Variants in ERC1 observed in about 807,000 individuals in gnomAD.
The protein encoded by ERC1 is ELKS/RAB6-interacting/CAST family member 1, also known as RAB6 interacting protein 2.
In ERC1, 56 loss-of-function variants were observed where a neutral mutation model predicts 132.0. The ratio of observed to expected loss-of-function variants is 0.42; its 90% CI spans 0.34 to 0.53. ERC1 has a LOEUF of 0.53. Ranked by LOEUF, ERC1 falls within the 20% of genes least tolerant of loss-of-function variation. The pLI, the probability that ERC1 is intolerant of heterozygous loss-of-function variation, is 0.03. For missense variants in ERC1, 1,202 were observed against 1,349.9 expected (o/e 0.89, Z 1.72); for synonymous variants, 478 against 476.1 (o/e 1.00, Z -0.05).
intron 18 of ERC1, among the ~76,000 whole-genome samples, chr12:1,463,399 G>A (rs931189732): frequency 9.2e-5 from 14 of 152,144 alleles, no homozygotes; most frequent in East Asian, 1.9e-4. Context: ...GGGGCAGCAG[G>A]GAGAGAAAAG....
intron 14 of ERC1, among the ~76,000 whole-genome samples, chr12:1,269,704 A>G (rs115035447): frequency 0.012 from 1,894 of 152,302 alleles, 28 homozygotes; most frequent in African/African-American, 0.043. Context: ...CACACCTGAA[A>G]GTGCATGAAC....
chr12:1,442,298 A>G (rs982245995), intron 17 of ERC1, among the ~76,000 whole-genome samples: 3 of 152,202 alleles, frequency 2.0e-5, no homozygotes, highest in Admixed American at 6.5e-5. Context: ...GCAAAAAACT[A>G]TCCAGCTCCC....
chr12:1,188,763 G>A (rs1955397577), intron 11 of ERC1, among the ~76,000 whole-genome samples: 1 of 152,060 alleles, frequency 6.6e-6, no homozygotes, highest in African/African-American at 2.4e-5. Context: ...AGAGCTTTCT[G>A]AAATATTTCC....
chr12:1,154,045 G>A (rs1393322111), intron 8 of ERC1, among the ~76,000 whole-genome samples: 10 of 151,974 alleles, frequency 6.6e-5, no homozygotes, highest in South Asian at 6.2e-4. Flanking sequence ...TATGCCTTTG[G>A]GTACTCAGCA....
At chr12:1,145,853 G>A (rs544597445) in intron 8 of ERC1, among the ~76,000 whole-genome samples, 1 of 152,092 alleles carries the variant, frequency 6.6e-6, no homozygotes, top group South Asian at 2.1e-4. Context: ...TTATGTTTTT[G>A]TTTACTTTGT....
chr12:1,373,131 G>A (rs1307746212), intron 16 of ERC1, among the ~76,000 whole-genome samples: 2 of 152,110 alleles, frequency 1.3e-5, no homozygotes, highest in Non-Finnish European at 2.9e-5. Context: ...GCAAGAAGAG[G>A]ACATCATCTA....
chr12:1,340,294 AG>A lies in ERC1; in HGVS notation c.2781-31537del, dbSNP rs144674085. ...CCAGAGTTCAGGTCTTGCAGAGGTT[AG>A]GTCCAGTTGTTCCCCTGGGGCTAAA... On this transcript the variant is annotated intron_variant, in intron 15 of 18. Coordinates refer to ENST00000360905, the MANE Select transcript of ERC1 (RefSeq NM_178040.4). 3.0e-4 allele frequency among the ~76,000 whole-genome samples: 46 copies of A among 152,230 alleles called. 1 individual carries two copies. The East Asian group carries it at 8.5e-3, about 28-fold the overall frequency.
At position 1,028,045 on chromosome 12, in the gene ERC1, G is replaced by T; in HGVS notation, c.142G>T (p.Gly48Cys). The change falls in exon 2 of 19, where the codon GGT becomes TGT. Residue 48 changes from glycine to cysteine, a missense_variant. Physicochemically the swap from Gly to Cys is radical, Grantham distance 159. Transcript: ENST00000360905. ...TGGSSGSSVG[G>C]GSGKTLSMEN... ...AGGGAGTTCGGGAAGCAGTGTTGGA[G>T]GTGGCAGTGGGAAAACCCTTTCAAT... The T allele has an allele frequency of 6.2e-7, 1 of 1,614,156 alleles. No homozygotes were observed. The highest frequency in any genetic ancestry group is 2.2e-5 in the East Asian group (1 of 44,888).
At chr12:1,164,075 A>G (rs985711845) in intron 8 of ERC1, among the ~76,000 whole-genome samples, 2 of 152,090 alleles carry the variant, frequency 1.3e-5, no homozygotes, top group Non-Finnish European at 2.9e-5. Flanking sequence ...GCATGGGGAA[A>G]GTAGTCACAC....
chr12:1,149,161 A>G (rs887100209), intron 8 of ERC1, among the ~76,000 whole-genome samples: 3 of 152,048 alleles, frequency 2.0e-5, no homozygotes, highest in Non-Finnish European at 2.9e-5. Flanking sequence ...AAAATTATAT[A>G]AAAATAACTT....
intron 13 of ERC1, among the ~76,000 whole-genome samples, chr12:1,247,627 A>C (rs2076233627): frequency 6.6e-6 from 1 of 152,162 alleles, no homozygotes; most frequent in Non-Finnish European, 1.5e-5. Flanking sequence ...TAGCTCAGGC[A>C]TTTTTCCTGA....
chr12:1,138,294 TATA>T (rs1331428818), intron 7 of ERC1, among the ~76,000 whole-genome samples: 2 of 137,694 alleles, frequency 1.5e-5, no homozygotes, highest in Non-Finnish European at 3.0e-5. Context: ...ATATATATTA[TATA>T]ATATATGTTG....
intron 14 of ERC1, among the ~76,000 whole-genome samples, chr12:1,270,199 G>A (rs755368127): frequency 6.6e-5 from 10 of 152,046 alleles, no homozygotes; most frequent in Non-Finnish European, 1.0e-4. Flanking sequence ...TAGAATTGAT[G>A]CTGAACCCTT....
At chr12:1,376,808 T>C (rs1177709272) in intron 16 of ERC1, among the ~76,000 whole-genome samples, 1 of 152,208 alleles carries the variant, frequency 6.6e-6, no homozygotes, top group Non-Finnish European at 1.5e-5. Flanking sequence ...AGGGGATCTA[T>C]TTATACGCCA....
chr12:1,000,534 A>G (rs1199064606), intron 1 of ERC1, among the ~76,000 whole-genome samples: 3 of 151,744 alleles, frequency 2.0e-5, no homozygotes, highest in Non-Finnish European at 2.9e-5. Context: ...TTGGGATGAA[A>G]ATTTGTGTGA....
At chr12:1,484,058 C>T (rs943965564) in intron 18 of ERC1, among the ~76,000 whole-genome samples, 3 of 115,134 alleles carry the variant, frequency 2.6e-5, no homozygotes, top group Non-Finnish European at 5.4e-5. Flanking sequence ...GTAATCCCAG[C>T]ACTTTGGGAG....
At chr12:1,423,621 T>C (rs1271779997) in intron 17 of ERC1, among the ~76,000 whole-genome samples, 3 of 152,218 alleles carry the variant, frequency 2.0e-5, no homozygotes, top group African/African-American at 7.2e-5. Context: ...ATCCTCCCTG[T>C]CTTCACTGAA....
At chr12:1,242,819 A>G (rs2075894503) in intron 13 of ERC1, among the ~76,000 whole-genome samples, 1 of 152,226 alleles carries the variant, frequency 6.6e-6, no homozygotes, top group Non-Finnish European at 1.5e-5. Flanking sequence ...ACAGAATAAT[A>G]CAACAATAAA....
chr12:1,333,300 G>A (rs977648702), intron 15 of ERC1, among the ~76,000 whole-genome samples: 21 of 150,132 alleles, frequency 1.4e-4, no homozygotes, highest in Non-Finnish European at 2.5e-4. Context: ...ATTTATGGCC[G>A]CATAGTATTC....
Sources: gnomAD v4.1 joint callset for allele counts (sites outside exome capture counted in the v4.1 genomes callset) on GRCh38, gnomAD v4.1.1 for gene constraint, MANE v1.5 for transcripts, NCBI Gene and HGNC (gene_info 2026-07-23, HGNC 2026-07-21) for gene names.